Variants in FZD3 observed in about 807,000 individuals in gnomAD.
FZD3 encodes the protein frizzled-3.
In FZD3, 30 loss-of-function variants were observed where a neutral mutation model predicts 60.7. The ratio of observed to expected loss-of-function variants is 0.49; its 90% CI spans 0.37 to 0.67. The LOEUF (loss-of-function observed/expected upper bound fraction) is 0.67. Among genes scored for constraint, FZD3 ranks in the 30% least tolerant of loss-of-function variants. FZD3 has a pLI of 0.00. For synonymous variants in FZD3, 246 were observed against 275.2 expected (o/e 0.89, Z 1.05); for missense variants, 605 against 838.7 (o/e 0.72, Z 3.44).
At position 28,502,918 on chromosome 8, in the gene FZD3, A is replaced by G; in HGVS notation, c.-96A>G. On this transcript the variant is annotated 5_prime_UTR_variant, in exon 3 of 8. Transcript: ENST00000240093. ...GAAGAATTTAACAGTAAGATACAGAAGAAGTACCTTCGAGCTGAGACCTGC... is the reference window on the plus strand; with the variant it reads ...GAAGAATTTAACAGTAAGATACAGAGGAAGTACCTTCGAGCTGAGACCTGC... The G allele has an allele frequency of 1.4e-6, 1 of 728,798 alleles. No individual in the cohort carries two copies. The highest frequency in any genetic ancestry group is 2.3e-6 in the Non-Finnish European group (1 of 433,080). The allele number at this position is 728,798 out of a possible 1,614,324, so 45.1% of individuals were successfully genotyped here. A position where few individuals can be genotyped will look rare whatever the true frequency, so the allele number is the denominator to read the frequency against.
At position 28,527,684 on chromosome 8, in the gene FZD3, C is replaced by T; in HGVS notation, c.924C>T (p.Thr308=). Residue 308 remains threonine, a synonymous_variant, in exon 5 of 8, where the codon ACC becomes ACT. Coordinates refer to ENST00000240093, the MANE Select transcript of FZD3 (RefSeq NM_017412.4). The surrounding 1 kb of genome is among the most constrained non-coding windows in gnomAD (Gnocchi z 5.0). ...MAGSVWWVIL[T]ITWFLAAVPK... ...GCAGTGTATGGTGGGTAATTCTTAC[C>T]ATCACATGGTTTTTAGCAGCTGTGC... 2 of 1,613,986 alleles carry T rather than the reference C, an allele frequency of 1.2e-6. No individual in the cohort carries two copies.
chr8:28,558,433 TTTA>T, intron 7 of FZD3, among the ~76,000 whole-genome samples: 1 of 96,374 alleles, frequency 1.0e-5, no homozygotes, highest in Non-Finnish European at 2.2e-5. Flanking sequence ...CTTTTATTTA[TTTA>T]TTTTTTTTTT....
chr8:28,532,795 T>C (rs559760652), intron 5 of FZD3, among the ~76,000 whole-genome samples: 1 of 152,322 alleles, frequency 6.6e-6, no homozygotes, highest in Non-Finnish European at 1.5e-5. Context: ...TTCTCTTAGA[T>C]ATTCTTTCTA....
At chr8:28,557,942 A>G (rs1805542398) in intron 7 of FZD3, among the ~76,000 whole-genome samples, 3 of 152,244 alleles carry the variant, frequency 2.0e-5, no homozygotes, top group Admixed American at 2.0e-4. Context: ...CATTTAATAA[A>G]TCATAGAAAG....
intron 3 of FZD3, among the ~76,000 whole-genome samples, chr8:28,504,423 A>G (rs1483968471): frequency 6.6e-6 from 1 of 152,172 alleles, no homozygotes. Flanking sequence ...TCAATTTCTC[A>G]CAGAAAATTG....
Position 28,528,129 on chromosome 8 carries a change from C to T in FZD3, c.1369C>T (p.Arg457Cys), listed in dbSNP as rs770596220. Residue 457 changes from arginine (R) to cysteine (C), a missense_variant, in exon 5 of 8, where the codon CGC (arginine) becomes TGC (cysteine). Coordinates refer to ENST00000240093, the MANE Select transcript of FZD3 (RefSeq NM_017412.4). Reference sequence around the variant, plus strand: ...CTGGGAAACAACGTGGATACAAGAACGCTGCAGAGAATATCACATTCCATG... The same window carrying T: ...CTGGGAAACAACGTGGATACAAGAATGCTGCAGAGAATATCACATTCCATG... ...GIWETTWIQE[R>C]CREYHIPCPY... The T allele has an allele frequency of 5.0e-6, 8 of 1,613,520 alleles. No individual in the cohort carries two copies. Among genetic ancestry groups the T allele is most frequent in the Non-Finnish European group, 5.9e-6 (7 of 1,179,668 alleles).
intron 3 of FZD3, among the ~76,000 whole-genome samples, chr8:28,507,546 C>T (rs1804172655): frequency 6.6e-6 from 1 of 152,134 alleles, no homozygotes; most frequent in Non-Finnish European, 1.5e-5. Flanking sequence ...TAGGGGTTTG[C>T]AAAATGGTGA....
intron 1 of FZD3, among the ~76,000 whole-genome samples, chr8:28,495,016 T>A (rs1436659468): frequency 6.6e-6 from 1 of 152,150 alleles, no homozygotes; most frequent in Non-Finnish European, 1.5e-5. Context: ...TGCCGTGGGG[T>A]GGCTGCTGCT....
In FZD3 at chr8:28,564,742, A is replaced by G. The variant is rs911384775; in HGVS notation, c.*1731A>G. ...TTCTTACGGAGGTAATCCAAGAATC[A>G]TACTTTGAAGAATTATTCTAGACTC... On this transcript the variant is annotated 3_prime_UTR_variant, in exon 8 of 8. Coordinates refer to ENST00000240093, the MANE Select transcript of FZD3 (RefSeq NM_017412.4). The G allele has an allele frequency of 6.6e-6, 1 of 152,214 alleles. No homozygotes were observed. Among genetic ancestry groups the G allele is most frequent in the Non-Finnish European group, 1.5e-5 (1 of 68,034 alleles). The allele number at this position is 152,214 out of a possible 1,614,324, so 9.4% of individuals were successfully genotyped here.
At chr8:28,547,631 G>T (rs1805324970) in intron 5 of FZD3, among the ~76,000 whole-genome samples, 1 of 152,104 alleles carries the variant, frequency 6.6e-6, no homozygotes, top group Non-Finnish European at 1.5e-5. Flanking sequence ...CTGAGCTCTA[G>T]GTGTGTCTTT....
At chr8:28,499,268 A>G (rs1056984745) in intron 1 of FZD3, among the ~76,000 whole-genome samples, 4 of 152,238 alleles carry the variant, frequency 2.6e-5, no homozygotes, top group East Asian at 1.9e-4. Context: ...ATATATACAT[A>G]TACTGTTTTG....
At chr8:28,520,498 AAAAC>A (rs1466116058) in intron 3 of FZD3, 136 bp from the exon 4 acceptor site, 2 of 533,692 alleles carry the variant, frequency 3.7e-6, no homozygotes, top group African/African-American at 3.8e-5. Flanking sequence ...TTTGTTTAAA[AAAAC>A]AAAAACTCCC....
At position 28,536,360 on chromosome 8, in the gene FZD3, G is replaced by A. The variant is rs560844489; in HGVS notation, c.1404+8196G>A. On this transcript the variant is annotated intron_variant, in intron 5 of 7. Coordinates refer to ENST00000240093, the MANE Select transcript of FZD3 (RefSeq NM_017412.4). ...GAAATGTGTTACCATAGTACAGGCA[G>A]CTTAGCCAAGACTGTCAAATTCACA... 5.3e-5 allele frequency among the ~76,000 whole-genome samples: 8 copies of A among 152,238 alleles called. No individual in the cohort carries two copies. In the East Asian group the frequency reaches 1.5e-3, roughly 29 times the overall value.
intron 5 of FZD3, among the ~76,000 whole-genome samples, chr8:28,536,352 T>C (rs990556274): frequency 2.0e-5 from 3 of 152,244 alleles, no homozygotes; most frequent in African/African-American, 7.2e-5. Flanking sequence ...GTTACCATAG[T>C]ACAGGCAGCT....
At chr8:28,520,899 T>G (rs73230974) in intron 4 of FZD3, 65 bp downstream of exon 4, 61 of 1,131,238 alleles carry the variant, frequency 5.4e-5, no homozygotes, top group Non-Finnish European at 6.7e-5. Flanking sequence ...AGTACTTGTC[T>G]TCTTTTCCAT....
intron 3 of FZD3, among the ~76,000 whole-genome samples, chr8:28,508,779 C>T (rs1046004803): frequency 6.6e-6 from 1 of 152,158 alleles, no homozygotes; most frequent in African/African-American, 2.4e-5. Context: ...CCTGCCTTGG[C>T]CTACCAAAGT....
chr8:28,537,969 T>G (rs1805061180), intron 5 of FZD3, among the ~76,000 whole-genome samples: 1 of 151,620 alleles, frequency 6.6e-6, no homozygotes, highest in Admixed American at 6.6e-5. Flanking sequence ...ATACAAAAAT[T>G]AGCTGGGCGT....
Position 28,564,084 on chromosome 8 carries a change from T to C in FZD3, c.*1073T>C, listed in dbSNP as rs1183887028. 1 of 152,608 alleles carries C rather than the reference T, an allele frequency of 6.6e-6. No individual in the cohort carries two copies. Among genetic ancestry groups the C allele is most frequent in the African/African-American group, 2.4e-5 (1 of 41,442 alleles). 9.5% of individuals were successfully genotyped at this position (152,608 alleles called of 1,614,324 possible). On this transcript the variant is annotated 3_prime_UTR_variant, in exon 8 of 8. Transcript: ENST00000240093. ...TTATTTTCAGATTCTGGATCATTCTTGTTTACAACTGAAATATATATAACC... is the reference window on the plus strand; with the variant it reads ...TTATTTTCAGATTCTGGATCATTCTCGTTTACAACTGAAATATATATAACC...
rs983860869 is a variant in FZD3 at position 28,503,088 on chromosome 8, G to A, written c.75G>A (p.Leu25=). 15 of 1,613,440 alleles carry A rather than the reference G, an allele frequency of 9.3e-6. No individual in the cohort carries two copies. Among genetic ancestry groups the A allele is most frequent in the African/African-American group, 5.3e-5 (4 of 74,896 alleles). Reference sequence around the variant, plus strand: ...TGGGGCATATAGGTGGGCACAGTTTGTTTTCTTGTGAACCTATTACCTTGA... The same window carrying A: ...TGGGGCATATAGGTGGGCACAGTTTATTTTCTTGTGAACCTATTACCTTGA... ...VFMGHIGGHS[L]FSCEPITLRM... Residue 25 remains leucine (L), a synonymous_variant, in exon 3 of 8, where the codon TTG becomes TTA. Transcript: ENST00000240093.
Sources: gnomAD v4.1 joint callset for allele counts (sites outside exome capture counted in the v4.1 genomes callset) on GRCh38, gnomAD v4.1.1 for gene constraint, Gnocchi (gnomAD v3.1) non-coding constraint, MANE v1.5 for transcripts, NCBI Gene and HGNC (gene_info 2026-07-23, HGNC 2026-07-21) for gene names.